The following DCDC1 variants were observed in gnomAD, a reference collection of about 807,000 sequenced individuals.
DCDC1 encodes the protein doublecortin domain containing 1.
Under a neutral mutation model 178.3 loss-of-function variants are expected in DCDC1, and 200 were observed. That is an observed-to-expected ratio of 1.12 (90% CI 1.00 to 1.26). DCDC1 has a LOEUF of 1.26. Among genes scored for constraint, DCDC1 ranks in the 50% most tolerant of loss-of-function variants. The probability of loss-of-function intolerance (pLI) is 0.00; values close to 1 mark genes in which losing one functional copy is unlikely to be tolerated. For missense variants in DCDC1, 1,983 were observed against 1,749.2 expected (o/e 1.13, Z -2.38); for synonymous variants, 690 against 604.8 (o/e 1.14, Z -2.07).
intron 9 of DCDC1, among the ~76,000 whole-genome samples, chr11:31,199,797 GT>G (rs1292558511): frequency 6.6e-6 from 1 of 152,052 alleles, no homozygotes; most frequent in Non-Finnish European, 1.5e-5. Flanking sequence ...GGGTGTTTTG[GT>G]TTTTTAATGC....
At position 30,975,032 on chromosome 11, in the gene DCDC1, G is replaced by A. The variant is rs145678338; in HGVS notation, c.2592-22464C>T. ...TAAAAAGATAACACACCACAATCAC[G>A]TGGGATTTATTTCAGGGATTCAAGG... On this transcript the variant is annotated intron_variant, in intron 20 of 38. Transcript: ENST00000684477. 2.2e-4 allele frequency among the ~76,000 whole-genome samples: 33 copies of A among 152,130 alleles called. No individual in the cohort carries two copies. The South Asian group carries it at 4.1e-3, about 19-fold the overall frequency.
At chr11:31,008,005 C>A (rs1244751436) in intron 20 of DCDC1, among the ~76,000 whole-genome samples, 1 of 152,110 alleles carries the variant, frequency 6.6e-6, no homozygotes, top group East Asian at 1.9e-4. Context: ...GAGTCATGAT[C>A]TGGAAGTAGC....
chr11:30,921,466 A>G (rs1390434977), intron 24 of DCDC1, among the ~76,000 whole-genome samples: 2 of 152,224 alleles, frequency 1.3e-5, no homozygotes, highest in African/African-American at 2.4e-5. Context: ...AAGAAAAGCA[A>G]AAGTCCAAAG....
At chr11:31,166,163 T>G (rs1436694083) in intron 9 of DCDC1, among the ~76,000 whole-genome samples, 1 of 152,210 alleles carries the variant, frequency 6.6e-6, no homozygotes, top group Non-Finnish European at 1.5e-5. Flanking sequence ...ACGTTAATAT[T>G]TATGACTAAA....
chr11:31,082,765 T>A (rs531441772), intron 17 of DCDC1, among the ~76,000 whole-genome samples: 2 of 152,178 alleles, frequency 1.3e-5, no homozygotes, highest in Middle Eastern at 3.2e-3. Flanking sequence ...GGTAACTATA[T>A]GGAGGGCTAT....
At chr11:31,326,372 T>TA (rs139125685) in intron 3 of DCDC1, among the ~76,000 whole-genome samples, 46,489 of 151,536 alleles carry the variant, frequency 0.31, 8,081 homozygotes, top group Non-Finnish European at 0.38. Flanking sequence ...AGCTTTACCA[T>TA]AAAAAAAATA....
chr11:31,056,864 A>G (rs958956324), intron 20 of DCDC1, among the ~76,000 whole-genome samples: 8 of 152,174 alleles, frequency 5.3e-5, no homozygotes, highest in Non-Finnish European at 1.5e-5. Context: ...AAACTTCAGA[A>G]TATGTATTTT....
rs1267409425 is a variant in DCDC1 at position 30,864,383 on chromosome 11, C to G, written c.*990G>C. ...ATGTCTAGTTTATACCATGACATTT[C>G]TTTCATTTGCACAATTTCGAGAAGT... On this transcript the variant is annotated 3_prime_UTR_variant, in exon 39 of 39. Coordinates refer to ENST00000684477, the MANE Select transcript of DCDC1 (RefSeq NM_001387274.1). 6.6e-6 allele frequency: 1 copy of G among 152,222 alleles called. No homozygotes were observed. Among genetic ancestry groups the G allele is most frequent in the Non-Finnish European group, 1.5e-5 (1 of 68,040 alleles). 9.4% of individuals were successfully genotyped at this position (152,222 alleles called of 1,614,324 possible). A position where few individuals can be genotyped will look rare whatever the true frequency, so the allele number is the denominator to read the frequency against.
chr11:31,193,604 A>G (rs141721678), intron 9 of DCDC1, among the ~76,000 whole-genome samples: 1 of 152,246 alleles, frequency 6.6e-6, no homozygotes, highest in East Asian at 1.9e-4. Context: ...ATAAACATTA[A>G]CAGAGTGATT....
chr11:30,954,431 C>A (rs923708484), intron 20 of DCDC1, among the ~76,000 whole-genome samples: 1 of 152,106 alleles, frequency 6.6e-6, no homozygotes, highest in African/African-American at 2.4e-5. Context: ...TGGGACAGAT[C>A]TTTTCATGTG....
At chr11:31,024,155 GT>G (rs1303215447) in intron 20 of DCDC1, among the ~76,000 whole-genome samples, 2 of 151,906 alleles carry the variant, frequency 1.3e-5, no homozygotes, top group Non-Finnish European at 2.9e-5. Context: ...GATTGATTGT[GT>G]TTTTTAATCT....
At chr11:31,153,080 C>A (rs1282189813) in intron 9 of DCDC1, among the ~76,000 whole-genome samples, 2 of 152,122 alleles carry the variant, frequency 1.3e-5, no homozygotes, top group African/African-American at 4.8e-5. Context: ...CATACATATA[C>A]CTATGTTTTG....
chr11:31,127,805 C>T (rs1961864253), intron 10 of DCDC1, 166 bp from the exon 11 acceptor site: 5 of 503,866 alleles, frequency 9.9e-6, no homozygotes, highest in South Asian at 9.7e-5. Flanking sequence ...TACATTCCTA[C>T]ATCTACTTTT....
chr11:30,920,873 CA>C lies in DCDC1; in HGVS notation c.3195del (p.Val1066Ter), dbSNP rs1291185077. On this transcript the variant is annotated frameshift_variant, in exon 25 of 39. Coordinates refer to ENST00000684477, the MANE Select transcript of DCDC1 (RefSeq NM_001387274.1). LOFTEE classifies it high-confidence loss of function. Reference protein sequence around the residue: ...VSGSKLAVHKPVAIFGEEKQV... With the variant: ...VSGSKLAVHKXVAIFGEEKQV... Reference sequence around the variant, plus strand: ...TGCTTCTCTTCTCCAAAAATTGCTACAGGTTTATGCACAGCAAGCTTGCTTC... The same window carrying C: ...TGCTTCTCTTCTCCAAAAATTGCTACGGTTTATGCACAGCAAGCTTGCTTC... 6.2e-7 allele frequency: 1 copy of C among 1,613,390 alleles called. No homozygotes were observed. Among genetic ancestry groups the C allele is most frequent in the Non-Finnish European group, 8.5e-7 (1 of 1,179,608 alleles).
chr11:31,345,416 T>A (rs1455210415), intron 1 of DCDC1, among the ~76,000 whole-genome samples: 1 of 152,114 alleles, frequency 6.6e-6, no homozygotes, highest in African/African-American at 2.4e-5. Context: ...AACAAAGAAC[T>A]CTCTTAAAAC....
intron 6 of DCDC1, among the ~76,000 whole-genome samples, chr11:31,305,346 A>G (rs1267583486): frequency 6.6e-6 from 1 of 152,170 alleles, no homozygotes; most frequent in Non-Finnish European, 1.5e-5. Context: ...TTAATTTATT[A>G]TATTTTCACC....
chr11:31,157,712 TG>T (rs1965873942), intron 9 of DCDC1, among the ~76,000 whole-genome samples: 2 of 152,238 alleles, frequency 1.3e-5, no homozygotes, highest in Admixed American at 6.5e-5. Flanking sequence ...TAGAACTTAA[TG>T]TACAGCGTTT....
chr11:31,183,560 T>G (rs1205731757), intron 9 of DCDC1, among the ~76,000 whole-genome samples: 1 of 152,212 alleles, frequency 6.6e-6, no homozygotes, highest in Non-Finnish European at 1.5e-5. Flanking sequence ...CAAAATCTCC[T>G]TAAGCTGATA....
chr11:31,109,723 T>C (rs1269097029), intron 12 of DCDC1, among the ~76,000 whole-genome samples: 1 of 152,118 alleles, frequency 6.6e-6, no homozygotes, highest in Non-Finnish European at 1.5e-5. Flanking sequence ...GGCTGTTCAG[T>C]GTCCTTTTAT....
Sources: allele counts gnomAD v4.1 joint callset (sites outside exome capture counted in the v4.1 genomes callset), GRCh38; gene constraint gnomAD v4.1.1; transcripts MANE v1.5; gene names NCBI Gene and HGNC (gene_info 2026-07-23, HGNC 2026-07-21).